MYH14: variants seen among roughly 807,000 people sequenced by gnomAD.
MYH14 encodes myosin-14.
MYH14 carries 123 observed loss-of-function variants against 255.5 expected under a neutral mutation model. The ratio of observed to expected loss-of-function variants is 0.48; its 90% CI spans 0.42 to 0.56. The LOEUF (loss-of-function observed/expected upper bound fraction) is 0.56. MYH14 is among the 20% of genes least tolerant of loss of function. The probability of loss-of-function intolerance (pLI) is 0.00; values close to 1 mark genes in which losing one functional copy is unlikely to be tolerated. For missense variants in MYH14, 2,423 were observed against 2,802.3 expected, an observed-to-expected ratio of 0.86 and a Z score of 3.06; for synonymous variants, 1,095 against 1,161.2, an observed-to-expected ratio of 0.94 and a Z score of 1.16.
Position 50,252,840 on chromosome 19 carries a change from C to T in MYH14, c.1945+87C>T, listed in dbSNP as rs746843451. 2.9e-5 allele frequency: 28 copies of T among 961,006 alleles called. No homozygotes were observed. The highest frequency in any genetic ancestry group is 2.3e-4 in the African/African-American group (14 of 61,138). The allele number at this position is 961,006 out of a possible 1,614,324, so 59.5% of individuals were successfully genotyped here. A position where few individuals can be genotyped will look rare whatever the true frequency, so the allele number is the denominator to read the frequency against. On this transcript the variant is annotated intron_variant, in intron 16 of 42. Coordinates refer to ENST00000642316, the MANE Select transcript of MYH14 (RefSeq NM_001145809.2). The surrounding 1 kb of genome is among the most constrained non-coding windows in gnomAD (Gnocchi z 4.2). ...AGCGTGAGCACCTTTGTTTCAGAGG[C>T]GGAGGTCTGAACCTGAGTTTTCTGC...
chr19:50,290,732 G>A (rs995423982), intron 35 of MYH14, among the ~76,000 whole-genome samples, 155 bp from the exon 36 acceptor site: 2 of 152,156 alleles, frequency 1.3e-5, no homozygotes, highest in Admixed American at 1.3e-4. Context: ...GGGCAGTAGG[G>A]ATAGAGAGGA....
At chr19:50,232,100 G>A (rs2033426775) in intron 10 of MYH14, 30 bp downstream of exon 10, 3 of 1,605,054 alleles carry the variant, frequency 1.9e-6, no homozygotes, top group Non-Finnish European at 2.5e-6. Context: ...GCCAGGGGTA[G>A]GGGGGAACCC....
Position 50,266,974 on chromosome 19 carries a change from G to A in MYH14, c.2792G>A (p.Arg931His), listed in dbSNP as rs200351672. 2,190 of 1,568,210 alleles carry A rather than the reference G, an allele frequency of 1.4e-3. 11 individuals carry two copies. Among genetic ancestry groups the A allele is most frequent in the African/African-American group, 0.013 (972 of 74,232 alleles). Reference sequence around the variant, plus strand: ...CAGGAGCTACAGCAGCAGAGCGCCCGCGAAGTTGGGGAGCTCCAGGGCCGA... The same window carrying A: ...CAGGAGCTACAGCAGCAGAGCGCCCACGAAGTTGGGGAGCTCCAGGGCCGA... ...KVQELQQQSA[R>H]EVGELQGRVA... The change falls in exon 23 of 43, where the codon CGC becomes CAC. Residue 931 changes from arginine to histidine, a missense_variant. Around this residue, in one of 3 missense-constraint regions of MYH14, gnomAD observed 1,513 missense variants for 1,674.8 expected, o/e 0.90. Transcript: ENST00000642316. The surrounding 1 kb of genome is among the most constrained non-coding windows in gnomAD (Gnocchi z 4.1).
intron 10 of MYH14, among the ~76,000 whole-genome samples, chr19:50,232,308 G>A (rs1044190226): frequency 1.3e-5 from 2 of 152,152 alleles, no homozygotes; most frequent in Non-Finnish European, 2.9e-5. Flanking sequence ...GACTATGAGT[G>A]CAGCTGGGCG....
intron 39 of MYH14, among the ~76,000 whole-genome samples, chr19:50,299,867 C>T (rs1601062092): frequency 6.6e-6 from 1 of 152,148 alleles, no homozygotes; most frequent in East Asian, 1.9e-4. Context: ...ATCGCTTGAC[C>T]CCGGGAGGCA....
intron 10 of MYH14, among the ~76,000 whole-genome samples, chr19:50,234,575 C>G (rs2033569976): frequency 6.6e-6 from 1 of 152,122 alleles, no homozygotes; most frequent in Non-Finnish European, 1.5e-5. Context: ...CTCCCACCCC[C>G]ACCCCGCCGC....
Position 50,269,373 on chromosome 19 carries a change from G to A in MYH14, c.3033+1006G>A, listed in dbSNP as rs539226447. 3.9e-5 allele frequency among the ~76,000 whole-genome samples: 6 copies of A among 152,186 alleles called. No individual in the cohort carries two copies. The South Asian group carries it at 1.2e-3, about 32-fold the overall frequency. The stretch of plus-strand genomic sequence containing the variant: ...GTTTTTTTATTTTTAGTAGAGACAG[G>A]GTTTCAGTATGTTGGCCAGGCTGGT... On this transcript the variant is annotated intron_variant, in intron 24 of 42. Transcript: ENST00000642316.
intron 8 of MYH14, 74 bp downstream of exon 8, chr19:50,227,040 C>T (rs2033142976): frequency 6.8e-7 from 1 of 1,470,310 alleles, no homozygotes; most frequent in South Asian, 1.1e-5. Flanking sequence ...ATGGAAAGCA[C>T]CTCCCACTGC....
chr19:50,239,385 GTCTT>G (rs1303609791), intron 10 of MYH14, among the ~76,000 whole-genome samples: 2 of 152,136 alleles, frequency 1.3e-5, no homozygotes, highest in African/African-American at 4.8e-5. Flanking sequence ...CTCTTCCTGA[GTCTT>G]TCTTTATCAT....
In MYH14 at chr19:50,281,856, G is replaced by A. The variant is rs779431768; in HGVS notation, c.4539+14G>A. 1.9e-6 allele frequency: 3 copies of A among 1,605,106 alleles called. No individual in the cohort carries two copies. The highest frequency in any genetic ancestry group is 3.3e-5 in the Admixed American group (2 of 59,732). ...AAGTTTGACCAGGTGGGGCACCTCA[G>A]TTCACCCAGCCGGGGAATCAGCAAG... On this transcript the variant is annotated intron_variant, in intron 33 of 42. Transcript: ENST00000642316.
chr19:50,249,312 GTCTCTGGGTCTCTGTCCCCTTCTC>G (rs1203718125), intron 13 of MYH14, 173 bp downstream of exon 13: 8 of 721,756 alleles, frequency 1.1e-5, no homozygotes, highest in South Asian at 4.2e-5. Flanking sequence ...TCTGTCCCCT[GTCTCTGGGTCTCTGTCCCCTTCTC>G]TCTCTGGGTC....
At chr19:50,248,912 T>A (rs2034240734) in intron 12 of MYH14, 75 bp from the exon 13 acceptor site, 1 of 1,545,480 alleles carries the variant, frequency 6.5e-7, no homozygotes, top group Admixed American at 1.7e-5. Flanking sequence ...TGGGGGCCCT[T>A]CCCCGGTTCA....
At chr19:50,294,677 TATG>T (rs1458085384) in intron 39 of MYH14, among the ~76,000 whole-genome samples, 1 of 151,244 alleles carries the variant, frequency 6.6e-6, no homozygotes, top group African/African-American at 2.4e-5. Context: ...TGCAGTGAGC[TATG>T]ATTGTGTCAC....
chr19:50,290,908 C>T lies in MYH14; in HGVS notation c.4987C>T (p.Arg1663Trp), dbSNP rs375795690. ...CCAGCTGAGAGATGCAGAGGTGGAG[C>T]GGGATGAGGAGCGGAAGCAGCGCAC... ...AKQLRDAEVERDEERKQRTLA... is the reference protein window; with the variant it reads ...AKQLRDAEVEWDEERKQRTLA... Residue 1663 changes from arginine (R) to tryptophan (W), a missense_variant, in exon 36 of 43, where the codon CGG (arginine) becomes TGG (tryptophan). Transcript: ENST00000642316. The T allele has an allele frequency of 2.4e-5, 37 of 1,567,014 alleles. No homozygotes were observed. Among genetic ancestry groups the T allele is most frequent in the South Asian group, 5.9e-5 (5 of 85,066 alleles).
intron 23 of MYH14, among the ~76,000 whole-genome samples, chr19:50,267,623 A>AAAAAAAAAAAATAATAATAAT (rs138463829): frequency 6.7e-6 from 1 of 149,142 alleles, no homozygotes. Flanking sequence ...TCTGTCTCAA[A>AAAAAAAAAAAATAATAATAAT]AATAATAATA....
rs1345562097 is a variant in MYH14, at chr19:50,250,710, G to T, written c.1830+22G>T. The T allele has an allele frequency of 6.3e-7, 1 of 1,596,826 alleles. No individual in the cohort carries two copies. The highest frequency in any genetic ancestry group is 8.6e-7 in the Non-Finnish European group (1 of 1,167,696). On this transcript the variant is annotated intron_variant, in intron 15 of 42. Coordinates refer to ENST00000642316, the MANE Select transcript of MYH14 (RefSeq NM_001145809.2). This position sits in a 1 kb window ranked among gnomAD's most constrained non-coding sequence, Gnocchi z 5.4. ...CAAGGTAGGGGCTGGGGCCGGCCTT[G>T]GGGCATGTGGGAGTGGGGATCAAGG...
chr19:50,227,207 A>G (rs545169903), intron 8 of MYH14, among the ~76,000 whole-genome samples: 4 of 152,180 alleles, frequency 2.6e-5, no homozygotes, highest in Admixed American at 2.6e-4. Flanking sequence ...GGGGAGTCCC[A>G]GCACTTAGCC....
intron 15 of MYH14, among the ~76,000 whole-genome samples, chr19:50,251,474 T>TATATATATACACACATATATATATACAC (rs2034371472): frequency 7.1e-5 from 10 of 141,210 alleles, no homozygotes; most frequent in South Asian, 4.6e-4. Context: ...TATATACACA[T>TATATATATACACACATATATATATACAC]ATATATATAC....
chr19:50,292,237 A>G (rs1357389993), intron 36 of MYH14, 24 bp from the exon 37 acceptor site: 1 of 1,586,148 alleles, frequency 6.3e-7, no homozygotes, highest in African/African-American at 1.3e-5. Flanking sequence ...GGCTGAGCCC[A>G]TCTACCTATT....
Sources: gnomAD v4.1 joint callset for allele counts (sites outside exome capture counted in the v4.1 genomes callset) on GRCh38, gnomAD v4.1.1 for gene constraint, gnomAD v4.1.1 regional missense constraint, Gnocchi (gnomAD v3.1) non-coding constraint, MANE v1.5 for transcripts, NCBI Gene and HGNC (gene_info 2026-07-23, HGNC 2026-07-21) for gene names.